ARIH2: variants seen among roughly 807,000 people sequenced by gnomAD.
ARIH2 encodes ariadne RBR E3 ubiquitin protein ligase 2.
Under a neutral mutation model 79.8 loss-of-function variants are expected in ARIH2, and 12 were observed. The observed-to-expected ratio is 0.15, with a 90% CI of 0.10 to 0.24. The LOEUF (loss-of-function observed/expected upper bound fraction) is 0.24. Ranked by LOEUF, ARIH2 falls within the 10% of genes least tolerant of loss-of-function variation. ARIH2 has a pLI of 1.00. For missense variants in ARIH2, 301 were observed against 618.3 expected, an observed-to-expected ratio of 0.49 and a Z score of 5.44; for synonymous variants, 224 against 213.9, an observed-to-expected ratio of 1.05 and a Z score of -0.41.
chr3:48,946,243 A>G (rs1376260683), intron 3 of ARIH2, among the ~76,000 whole-genome samples: 2 of 152,002 alleles, frequency 1.3e-5, no homozygotes, highest in Non-Finnish European at 2.9e-5. Flanking sequence ...TGAAGCAGGC[A>G]TAGAACTGTG....
chr3:48,942,041 A>G (rs1164060915), intron 3 of ARIH2, among the ~76,000 whole-genome samples: 1 of 136,020 alleles, frequency 7.4e-6, no homozygotes, highest in Non-Finnish European at 1.5e-5. Flanking sequence ...ACACGCAACC[A>G]TACCTGGCTA....
chr3:48,984,699 C>T lies in ARIH2; in HGVS notation c.*1429C>T, dbSNP rs906644016. 9 of 152,184 alleles carry T rather than the reference C, an allele frequency of 5.9e-5. No individual in the cohort carries two copies. The highest frequency in any genetic ancestry group is 2.2e-4 in the African/African-American group (9 of 41,438). The allele number at this position is 152,184 out of a possible 1,614,324, so 9.4% of individuals were successfully genotyped here. On this transcript the variant is annotated 3_prime_UTR_variant, in exon 16 of 16. Transcript: ENST00000356401. Reference sequence around the variant, plus strand: ...AGCAGTCTATACTCTCCCAAGCCTGCTTGACCTCCAAGTAGAGCTGATACA... The same window carrying T: ...AGCAGTCTATACTCTCCCAAGCCTGTTTGACCTCCAAGTAGAGCTGATACA...
intron 1 of ARIH2, among the ~76,000 whole-genome samples, chr3:48,922,043 T>A: frequency 6.6e-6 from 1 of 152,208 alleles, no homozygotes; most frequent in East Asian, 1.9e-4. Context: ...TTAAGTCAGT[T>A]ACAATTTGCT....
At chr3:48,938,719 C>T (rs1003323398) in intron 3 of ARIH2, among the ~76,000 whole-genome samples, 1 of 151,832 alleles carries the variant, frequency 6.6e-6, no homozygotes, top group Admixed American at 6.6e-5. Context: ...TAGTAACAAA[C>T]AGAATGGGTT....
Position 48,982,396 on chromosome 3 carries a change from AT to A in ARIH2, c.1327-497del, listed in dbSNP as rs555777204. ...ACATGATTGTACCATCACTTGGGACATTTATTCTTTCTTTCTTTCACTGCTA... is the reference window on the plus strand; with the variant it reads ...ACATGATTGTACCATCACTTGGGACATTATTCTTTCTTTCTTTCACTGCTA... On this transcript the variant is annotated intron_variant, in intron 14 of 15. Transcript: ENST00000356401. Among the ~76,000 whole-genome samples, 740 of 152,318 alleles carry A rather than the reference AT, an allele frequency of 4.9e-3. 6 individuals are homozygous for A. The highest frequency in any genetic ancestry group is 0.017 in the African/African-American group (707 of 41,578).
chr3:48,949,547 C>A (rs1237787113), intron 3 of ARIH2, among the ~76,000 whole-genome samples: 1 of 152,174 alleles, frequency 6.6e-6, no homozygotes, highest in Non-Finnish European at 1.5e-5. Context: ...TATAATCATT[C>A]TAGTGAGTGT....
intron 3 of ARIH2, among the ~76,000 whole-genome samples, chr3:48,947,700 A>T (rs2089383706): frequency 6.6e-6 from 1 of 152,194 alleles, no homozygotes; most frequent in Non-Finnish European, 1.5e-5. Context: ...ACGTATGATT[A>T]TGTGAGTGAT....
At position 48,927,845 on chromosome 3, in the gene ARIH2, C is replaced by G. The variant is rs150911572; in HGVS notation, c.255+32C>G. ...AGTGTTGTAAACTCCAGTGTAATCC[C>G]CCCCAGTTAAATCTAAGGATGAGCT... is the stretch of plus-strand genomic sequence containing the variant. On this transcript the variant is annotated intron_variant, in intron 3 of 15. Coordinates refer to ENST00000356401, the MANE Select transcript of ARIH2 (RefSeq NM_006321.4). 5 of 1,604,548 alleles carry G rather than the reference C, an allele frequency of 3.1e-6. No homozygotes were observed. The South Asian group carries it at 4.4e-5, about 14-fold the overall frequency.
At chr3:48,960,456 TAA>T (rs56946572) in intron 3 of ARIH2, among the ~76,000 whole-genome samples, 2 of 136,460 alleles carry the variant, frequency 1.5e-5, no homozygotes. Context: ...GCTCATTATT[TAA>T]AAAAAAAAAA....
intron 3 of ARIH2, among the ~76,000 whole-genome samples, chr3:48,951,091 T>C (rs2089901232): frequency 6.6e-6 from 1 of 151,948 alleles, no homozygotes; most frequent in Non-Finnish European, 1.5e-5. Flanking sequence ...GCCTCCCAGG[T>C]AGATGGGACA....
At chr3:48,962,058 G>C (rs1426314809) in intron 4 of ARIH2, among the ~76,000 whole-genome samples, 1 of 152,126 alleles carries the variant, frequency 6.6e-6, no homozygotes, top group African/African-American at 2.4e-5. Flanking sequence ...TTGTATCATA[G>C]TACGAGTTGT....
chr3:48,931,097 AT>A (rs1553697413), intron 3 of ARIH2, among the ~76,000 whole-genome samples: 2 of 151,976 alleles, frequency 1.3e-5, no homozygotes, highest in Non-Finnish European at 2.9e-5. Context: ...TTAAAAAAAA[AT>A]TTTTTTAGAG....
intron 11 of ARIH2, among the ~76,000 whole-genome samples, chr3:48,977,686 T>G (rs2092582820): frequency 6.6e-6 from 1 of 152,184 alleles, no homozygotes; most frequent in South Asian, 2.1e-4. Context: ...TGTGAACTCC[T>G]GATCTCATGA....
intron 5 of ARIH2, among the ~76,000 whole-genome samples, chr3:48,965,604 C>A (rs975507637): frequency 6.6e-6 from 1 of 152,090 alleles, no homozygotes; most frequent in East Asian, 1.9e-4. Context: ...TTTGTGCCTT[C>A]CCTTCCTAGA....
At chr3:48,935,052 C>A (rs559622306) in intron 3 of ARIH2, 38 of 670,570 alleles carry the variant, frequency 5.7e-5, no homozygotes, top group Admixed American at 6.3e-5. Flanking sequence ...AAAATAATAT[C>A]ATTCATGTTT....
chr3:48,947,446 AAAAAAAAAAAAGG>A (rs1221352564), intron 3 of ARIH2, among the ~76,000 whole-genome samples: 6 of 151,658 alleles, frequency 4.0e-5, no homozygotes, highest in Non-Finnish European at 8.8e-5. Flanking sequence ...TGTCTCAAAA[AAAAAAAAAAAAGG>A]AAAAAAAAAG....
intron 8 of ARIH2, 116 bp from the exon 9 acceptor site, chr3:48,973,583 A>G (rs1252613393): frequency 1.8e-5 from 13 of 737,482 alleles, no homozygotes; most frequent in Non-Finnish European, 2.7e-5. Flanking sequence ...CTCAAAAAAA[A>G]AAAAAAAAAG....
chr3:48,978,502 G>C, intron 11 of ARIH2, among the ~76,000 whole-genome samples: 1 of 134,184 alleles, frequency 7.5e-6, no homozygotes. Context: ...TTTTTTGGTA[G>C]AGACGGGTGT....
intron 3 of ARIH2, among the ~76,000 whole-genome samples, chr3:48,946,978 T>C (rs1464548676): frequency 6.6e-6 from 1 of 152,248 alleles, no homozygotes. Flanking sequence ...TTGGGGCTTA[T>C]GTTCATACTA....
Sources: allele counts gnomAD v4.1 joint callset (sites outside exome capture counted in the v4.1 genomes callset), GRCh38; gene constraint gnomAD v4.1.1; transcripts MANE v1.5; gene names NCBI Gene and HGNC (gene_info 2026-07-23, HGNC 2026-07-21).